The following PDE7B variants were observed in gnomAD, a reference collection of about 807,000 sequenced individuals.
PDE7B encodes the protein phosphodiesterase 7B.
A neutral mutation model predicts 56.2 loss-of-function variants in PDE7B; 29 were observed. The ratio of observed to expected loss-of-function variants is 0.52; its 90% CI spans 0.38 to 0.70. The LOEUF (loss-of-function observed/expected upper bound fraction) is 0.70, where lower values mean the gene tolerates loss of function less well. Ranked by LOEUF, PDE7B falls within the 30% of genes least tolerant of loss-of-function variation. The pLI, the probability that PDE7B is intolerant of heterozygous loss-of-function variation, is 0.00. For synonymous variants in PDE7B, 197 were observed against 196.9 expected (o/e 1.00, Z 0.00); for missense variants, 490 against 565.0 (o/e 0.87, Z 1.35).
chr6:135,924,774 A>G (rs998076067), intron 1 of PDE7B, among the ~76,000 whole-genome samples: 1 of 151,130 alleles, frequency 6.6e-6, no homozygotes, highest in African/African-American at 2.4e-5. Context: ...GTAAAAGTAT[A>G]TTTACTTACA....
intron 2 of PDE7B, among the ~76,000 whole-genome samples, chr6:136,058,347 T>C (rs1337101600): frequency 6.6e-6 from 1 of 152,172 alleles, no homozygotes; most frequent in African/African-American, 2.4e-5. Flanking sequence ...CCTGAAAACA[T>C]GTAACATCTG....
intron 8 of PDE7B, among the ~76,000 whole-genome samples, chr6:136,157,626 G>A (rs1231822183): frequency 6.6e-6 from 1 of 152,144 alleles, no homozygotes; most frequent in Non-Finnish European, 1.5e-5. Flanking sequence ...AGTGTGAGAG[G>A]CTTGATAGAT....
chr6:136,171,990 G>C (rs1005081716), intron 8 of PDE7B, among the ~76,000 whole-genome samples: 1 of 151,906 alleles, frequency 6.6e-6, no homozygotes, highest in African/African-American at 2.4e-5. Flanking sequence ...TGGCTGCATA[G>C]TATTCCATGG....
chr6:136,092,675 C>G lies in PDE7B; in HGVS notation c.83-16056C>G, dbSNP rs193129601. The stretch of plus-strand genomic sequence containing the variant: ...ACTCGGGAGGCTGAGGCAGGAGAAT[C>G]GCTTGATCCCAGGAGGCGGAGGTTG... On this transcript the variant is annotated intron_variant, in intron 2 of 12. Transcript: ENST00000308191. Among the ~76,000 whole-genome samples the G allele has an allele frequency of 8.0e-3, 1,214 of 152,170 alleles. 27 individuals are homozygous for G. The highest frequency in any genetic ancestry group is 5.7e-3 in the Non-Finnish European group (387 of 67,992).
At chr6:136,134,487 C>T (rs915453980) in intron 3 of PDE7B, among the ~76,000 whole-genome samples, 12 of 151,936 alleles carry the variant, frequency 7.9e-5, no homozygotes, top group African/African-American at 1.9e-4. Flanking sequence ...TCAATAAAAC[C>T]ACATTGCGCC....
Position 135,959,133 on chromosome 6 carries a change from T to G in PDE7B, c.82+11609T>G, listed in dbSNP as rs140962378. Among the ~76,000 whole-genome samples the G allele has an allele frequency of 5.0e-3, 762 of 152,272 alleles. 9 individuals carry two copies. Among genetic ancestry groups the G allele is most frequent in the African/African-American group, 0.016 (664 of 41,562 alleles). On this transcript the variant is annotated intron_variant, in intron 2 of 12. Transcript: ENST00000308191. ...TGGGATTCTGGGAGCTCTAGTTCTT[T>G]GTGACACAATAGAAAAATTGAAGAC...
chr6:136,184,351 T>A lies in PDE7B; in HGVS notation c.1046-2685T>A, dbSNP rs151037158. 2.4e-4 allele frequency among the ~76,000 whole-genome samples: 37 copies of A among 152,316 alleles called. No homozygotes were observed. In the East Asian group the frequency reaches 6.7e-3, roughly 28 times the overall value. Reference sequence around the variant, plus strand: ...ATAGTGGTCACAGGAGAAGATCCAGTACCTTGAAAGGTAGAATCTGAGCTC... The same window carrying A: ...ATAGTGGTCACAGGAGAAGATCCAGAACCTTGAAAGGTAGAATCTGAGCTC... On this transcript the variant is annotated intron_variant, in intron 11 of 12. Coordinates refer to ENST00000308191, the MANE Select transcript of PDE7B (RefSeq NM_018945.4).
At chr6:135,901,732 C>T (rs1446309510) in intron 1 of PDE7B, among the ~76,000 whole-genome samples, 1 of 152,148 alleles carries the variant, frequency 6.6e-6, no homozygotes, top group African/African-American at 2.4e-5. Flanking sequence ...GCGCACTATG[C>T]TTATTTACTG....
At chr6:136,043,575 C>CA (rs34337621) in intron 2 of PDE7B, among the ~76,000 whole-genome samples, 5,885 of 106,818 alleles carry the variant, frequency 0.055, 608 homozygotes, top group African/African-American at 0.19. Flanking sequence ...GACATAATAG[C>CA]AAAAAAAAAA....
At chr6:135,859,576 CTAAG>C (rs1775105560) in intron 1 of PDE7B, among the ~76,000 whole-genome samples, 1 of 151,988 alleles carries the variant, frequency 6.6e-6, no homozygotes, top group Non-Finnish European at 1.5e-5. Context: ...TTAAAAATCA[CTAAG>C]TATTAGAAAT....
At chr6:135,912,198 G>A (rs1776224627) in intron 1 of PDE7B, among the ~76,000 whole-genome samples, 1 of 152,156 alleles carries the variant, frequency 6.6e-6, no homozygotes, top group African/African-American at 2.4e-5. Context: ...ATCACTGGAA[G>A]AATCTCCTAC....
In PDE7B at chr6:136,140,289, A is replaced by G. The variant is rs539872657; in HGVS notation, c.167-7062A>G. 9.5e-4 allele frequency among the ~76,000 whole-genome samples: 144 copies of G among 152,176 alleles called. 2 individuals carry two copies. Among genetic ancestry groups the G allele is most frequent in the African/African-American group, 3.2e-3 (135 of 41,546 alleles). ...AAAGACCAGAGAGTTGTAGATACGC[A>G]GCATTATTTCTGAGGGCTCTGTTCT... On this transcript the variant is annotated intron_variant, in intron 3 of 12. Coordinates refer to ENST00000308191, the MANE Select transcript of PDE7B (RefSeq NM_018945.4).
At chr6:136,185,575 A>G (rs763217328) in intron 11 of PDE7B, among the ~76,000 whole-genome samples, 2 of 151,960 alleles carry the variant, frequency 1.3e-5, no homozygotes, top group Non-Finnish European at 2.9e-5. Flanking sequence ...GGCAACGTAG[A>G]GATCCTATCT....
intron 2 of PDE7B, among the ~76,000 whole-genome samples, chr6:135,954,401 C>T (rs1375059947): frequency 1.3e-5 from 2 of 152,194 alleles, no homozygotes; most frequent in Admixed American, 6.5e-5. Context: ...TTAAAACTCT[C>T]TGCTAACATA....
Position 136,148,470 on chromosome 6 carries a change from A to AGGCAGGCAGGCAGGC in PDE7B, c.319-617_319-616insGGCAGGCAGGCAGGC, listed in dbSNP as rs374978896. Among the ~76,000 whole-genome samples the AGGCAGGCAGGCAGGC allele has an allele frequency of 2.8e-3, 361 of 130,230 alleles. 7 individuals are homozygous for AGGCAGGCAGGCAGGC. The highest frequency in any genetic ancestry group is 0.017 in the South Asian group (63 of 3,710). 85.4% of individuals were successfully genotyped at this position (130,230 alleles called of 152,430 possible). ...GTGGGAGGGAGGGAGGGAAGGAAGG[A>AGGCAGGCAGGCAGGC]AGGCAGGCAGGCAGGCAGGCAGGCA... On this transcript the variant is annotated intron_variant, in intron 4 of 12. Transcript: ENST00000308191.
At chr6:135,928,455 A>ATT (rs1774230006) in intron 1 of PDE7B, among the ~76,000 whole-genome samples, 3 of 99,694 alleles carry the variant, frequency 3.0e-5, no homozygotes, top group Non-Finnish European at 6.1e-5. Context: ...ATATTTATTT[A>ATT]TATATATATT....
intron 1 of PDE7B, among the ~76,000 whole-genome samples, chr6:135,860,880 C>G (rs1171871357): frequency 1.3e-5 from 2 of 151,580 alleles, no homozygotes; most frequent in African/African-American, 4.8e-5. Flanking sequence ...CTATAGCACA[C>G]ATAACAGAAA....
chr6:135,958,943 A>G (rs1180189862), intron 2 of PDE7B, among the ~76,000 whole-genome samples: 1 of 152,204 alleles, frequency 6.6e-6, no homozygotes. Context: ...ATATTTACAA[A>G]TGAAAACCAA....
Position 135,860,804 on chromosome 6 carries a change from TG to T in PDE7B, c.21+8786del, listed in dbSNP as rs559888916. 2.2e-4 allele frequency among the ~76,000 whole-genome samples: 33 copies of T among 152,108 alleles called. No homozygotes were observed. In the South Asian group the frequency reaches 5.0e-3, roughly 23 times the overall value. ...CATGGAATTATTTTGTTTACAATGTTGTTGGTGCTTTAAACATTTAAGATAA... is the reference window on the plus strand; with the variant it reads ...CATGGAATTATTTTGTTTACAATGTTTTGGTGCTTTAAACATTTAAGATAA... On this transcript the variant is annotated intron_variant, in intron 1 of 12. Transcript: ENST00000308191.
Sources: allele counts gnomAD v4.1 joint callset (sites outside exome capture counted in the v4.1 genomes callset), GRCh38; gene constraint gnomAD v4.1.1; transcripts MANE v1.5; gene names NCBI Gene and HGNC (gene_info 2026-07-23, HGNC 2026-07-21).